PDZRN3: variants seen among roughly 807,000 people sequenced by gnomAD.
PDZRN3 encodes the protein PDZ domain containing ring finger 3, also known as E3 ubiquitin-protein ligase PDZRN3.
A neutral mutation model predicts 85.7 loss-of-function variants in PDZRN3; 38 were observed. The ratio of observed to expected loss-of-function variants is 0.44; its 90% CI spans 0.34 to 0.58. PDZRN3 has a LOEUF of 0.58. PDZRN3 is among the 20% of genes least tolerant of loss of function. PDZRN3 has a pLI of 0.01. For synonymous variants in PDZRN3, 759 were observed against 638.0 expected, an observed-to-expected ratio of 1.19 and a Z score of -2.86; for missense variants, 1,629 against 1,506.4, an observed-to-expected ratio of 1.08 and a Z score of -1.35.
Position 73,474,998 on chromosome 3 carries a change from C to T in PDZRN3, c.919-70603G>A, listed in dbSNP as rs1703420675. On this transcript the variant is annotated intron_variant, in intron 3 of 9. Transcript: ENST00000263666. The stretch of plus-strand genomic sequence containing the variant: ...CAGGCAGAATGGTTATTGAAGCTTC[C>T]AGTACTTAGATAAGTTAATATTTCA... Among the ~76,000 whole-genome samples the T allele has an allele frequency of 2.0e-5, 3 of 152,130 alleles. 1 individual carries two copies. The South Asian group carries it at 6.3e-4, about 32-fold the overall frequency.
At chr3:73,429,072 T>C (rs1702377864) in intron 3 of PDZRN3, among the ~76,000 whole-genome samples, 1 of 151,996 alleles carries the variant, frequency 6.6e-6, no homozygotes, top group Non-Finnish European at 1.5e-5. Flanking sequence ...CTAAGTTAAA[T>C]TTCTTTCTTT....
At chr3:73,462,589 T>G (rs1415452189) in intron 3 of PDZRN3, among the ~76,000 whole-genome samples, 1 of 149,390 alleles carries the variant, frequency 6.7e-6, no homozygotes, top group Admixed American at 6.7e-5. Flanking sequence ...GGGTCTAGAA[T>G]TTTTCATCAT....
At chr3:73,615,426 G>A (rs893813411) in intron 1 of PDZRN3, among the ~76,000 whole-genome samples, 1 of 152,202 alleles carries the variant, frequency 6.6e-6, no homozygotes, top group African/African-American at 2.4e-5. Flanking sequence ...CTTATGGGGT[G>A]TGCTACGATC....
chr3:73,494,664 A>G (rs1237574307), intron 3 of PDZRN3, among the ~76,000 whole-genome samples: 1 of 152,244 alleles, frequency 6.6e-6, no homozygotes, highest in Non-Finnish European at 1.5e-5. Context: ...TCTGGATATA[A>G]TTCTTTCACT....
Position 73,545,940 on chromosome 3 carries a change from A to C in PDZRN3, c.918+56414T>G, listed in dbSNP as rs1344021057. 2.6e-5 allele frequency among the ~76,000 whole-genome samples: 4 copies of C among 152,114 alleles called. No individual in the cohort carries two copies. The South Asian group carries it at 6.2e-4, about 24-fold the overall frequency. ...CTTTTATTTTTTTAACAAAGCTAAA[A>C]GGCCCAGGTCACCATCCGGCTCTGC... On this transcript the variant is annotated intron_variant, in intron 3 of 9. Transcript: ENST00000263666.
At position 73,557,194 on chromosome 3, in the gene PDZRN3, C is replaced by T. The variant is rs137992895; in HGVS notation, c.918+45160G>A. The stretch of plus-strand genomic sequence containing the variant: ...GAAAAATCTCTAGAGCCTCAGCCTT[C>T]CTTCTCACAAGGAAAAGGCCAAGAG... On this transcript the variant is annotated intron_variant, in intron 3 of 9. Coordinates refer to ENST00000263666, the MANE Select transcript of PDZRN3 (RefSeq NM_015009.3). 2.9e-3 allele frequency among the ~76,000 whole-genome samples: 441 copies of T among 152,320 alleles called. 4 individuals carry two copies. Among genetic ancestry groups the T allele is most frequent in the African/African-American group, 0.01 (425 of 41,568 alleles).
intron 1 of PDZRN3, chr3:73,621,720 T>G (rs932422419): frequency 2.6e-5 from 4 of 152,184 alleles, no homozygotes; most frequent in Non-Finnish European, 5.9e-5. Flanking sequence ...CATCCTTTGC[T>G]GTTCTCAAGG....
At chr3:73,587,814 G>T (rs1325698198) in intron 3 of PDZRN3, among the ~76,000 whole-genome samples, 2 of 152,148 alleles carry the variant, frequency 1.3e-5, no homozygotes, top group Non-Finnish European at 2.9e-5. Context: ...GACCTTGAAT[G>T]ACATGATGTC....
chr3:73,399,520 C>T (rs913386333), intron 5 of PDZRN3, among the ~76,000 whole-genome samples: 21 of 152,152 alleles, frequency 1.4e-4, no homozygotes, highest in African/African-American at 5.1e-4. Context: ...ATTATGAACC[C>T]CCTTTGGAAG....
At chr3:73,401,317 C>T (rs1202020553) in intron 4 of PDZRN3, among the ~76,000 whole-genome samples, 1 of 152,200 alleles carries the variant, frequency 6.6e-6, no homozygotes, top group Non-Finnish European at 1.5e-5. Flanking sequence ...ATTTCTAACT[C>T]CATCTCTACG....
intron 3 of PDZRN3, among the ~76,000 whole-genome samples, chr3:73,484,634 A>C (rs1703631556): frequency 6.6e-6 from 1 of 152,204 alleles, no homozygotes; most frequent in Admixed American, 6.5e-5. Context: ...AGGATAAGAG[A>C]GAAATGTAGC....
At chr3:73,415,349 G>C (rs564545266) in intron 3 of PDZRN3, among the ~76,000 whole-genome samples, 147 of 152,344 alleles carry the variant, frequency 9.6e-4, no homozygotes, top group Non-Finnish European at 1.7e-3. Flanking sequence ...GCACGTGAGT[G>C]GGGTGCAGAC....
chr3:73,532,609 A>G (rs189740920), intron 3 of PDZRN3, among the ~76,000 whole-genome samples: 3 of 152,376 alleles, frequency 2.0e-5, no homozygotes, highest in African/African-American at 7.2e-5. Flanking sequence ...AAGTTTTCAC[A>G]GGCCGACAGC....
chr3:73,613,885 C>T (rs1702721873), intron 1 of PDZRN3, among the ~76,000 whole-genome samples: 1 of 152,092 alleles, frequency 6.6e-6, no homozygotes, highest in Non-Finnish European at 1.5e-5. Context: ...CCTAATGCAA[C>T]ACAGGATCTC....
intron 3 of PDZRN3, among the ~76,000 whole-genome samples, chr3:73,501,736 CA>C (rs1703984387): frequency 6.6e-6 from 1 of 151,924 alleles, no homozygotes; most frequent in Non-Finnish European, 1.5e-5. Flanking sequence ...ATTAGAAGGC[CA>C]GGTGTGGTGG....
At chr3:73,463,952 TA>T (rs1228369952) in intron 3 of PDZRN3, among the ~76,000 whole-genome samples, 1 of 151,814 alleles carries the variant, frequency 6.6e-6, no homozygotes, top group East Asian at 1.9e-4. Flanking sequence ...TTAAAAGTTT[TA>T]AAAAAAAGTG....
chr3:73,409,366 G>T (rs956202509), intron 3 of PDZRN3, among the ~76,000 whole-genome samples: 1 of 152,164 alleles, frequency 6.6e-6, no homozygotes, highest in Admixed American at 6.5e-5. Flanking sequence ...TTTTCCAGTT[G>T]GTCCTGAGAA....
intron 3 of PDZRN3, among the ~76,000 whole-genome samples, chr3:73,492,686 A>C (rs77869688): frequency 2.5e-4 from 38 of 152,274 alleles, no homozygotes; most frequent in African/African-American, 8.4e-4. Context: ...GGACAGCTAG[A>C]CAGGAAGAAA....
chr3:73,440,213 T>C (rs1037236931), intron 3 of PDZRN3, among the ~76,000 whole-genome samples: 22 of 151,932 alleles, frequency 1.4e-4, no homozygotes, highest in Non-Finnish European at 2.9e-4. Flanking sequence ...GTAATTGCGG[T>C]TTTTACAATA....
Sources: allele counts gnomAD v4.1 joint callset (sites outside exome capture counted in the v4.1 genomes callset), GRCh38; gene constraint gnomAD v4.1.1; transcripts MANE v1.5; gene names NCBI Gene and HGNC (gene_info 2026-07-23, HGNC 2026-07-21).